The following ICA1 variants were observed in gnomAD, a reference collection of about 807,000 sequenced individuals.
The protein encoded by ICA1 is 69 kDa islet cell autoantigen.
Under a neutral mutation model 71.0 loss-of-function variants are expected in ICA1, and 40 were observed. That is an observed-to-expected ratio of 0.56 (90% CI 0.44 to 0.73). The LOEUF (loss-of-function observed/expected upper bound fraction) is 0.73, where lower values mean the gene tolerates loss of function less well. ICA1 is among the 30% of genes least tolerant of loss of function. The pLI is 0.00. For synonymous variants in ICA1, 207 were observed against 209.5 expected (o/e 0.99, Z 0.10); for missense variants, 578 against 576.5 (o/e 1.00, Z -0.03).
At chr7:8,164,736 G>C (rs7796677) in intron 6 of ICA1, among the ~76,000 whole-genome samples, 143,281 of 152,238 alleles carry the variant, frequency 0.94, 67,456 homozygotes, top group African/African-American at 0.95. Context: ...CCTTTAATAA[G>C]GTGCCACAGG....
chr7:8,247,314 G>C (rs946938228), intron 1 of ICA1, among the ~76,000 whole-genome samples: 2 of 152,002 alleles, frequency 1.3e-5, no homozygotes, highest in Non-Finnish European at 2.9e-5. Flanking sequence ...GAAGAAATTA[G>C]CTAGACACGG....
In ICA1 at chr7:8,148,112, A is replaced by G. The variant is rs568727500; in HGVS notation, c.805-4140T>C. On this transcript the variant is annotated intron_variant, in intron 8 of 13. Transcript: ENST00000402384. ...CTGCTGGGATAGGCTCCCACCATCC[A>G]CCACCCTGAACTGGAATAAGCAGTT... Among the ~76,000 whole-genome samples, 5 of 152,294 alleles carry G rather than the reference A, an allele frequency of 3.3e-5. No individual in the cohort carries two copies. The South Asian group carries it at 1.0e-3, about 32-fold the overall frequency.
At chr7:8,247,323 G>A (rs1806408894) in intron 1 of ICA1, among the ~76,000 whole-genome samples, 1 of 152,084 alleles carries the variant, frequency 6.6e-6, no homozygotes, top group African/African-American at 2.4e-5. Context: ...AGCTAGACAC[G>A]GTGGCACACG....
At chr7:8,196,472 C>G (rs1787619179) in intron 6 of ICA1, among the ~76,000 whole-genome samples, 1 of 152,170 alleles carries the variant, frequency 6.6e-6, no homozygotes, top group South Asian at 2.1e-4. Context: ...ATCTACAACA[C>G]AAAGAGTGAA....
chr7:8,197,302 C>T (rs1787970838), intron 6 of ICA1, among the ~76,000 whole-genome samples: 1 of 151,660 alleles, frequency 6.6e-6, no homozygotes. Context: ...CGCCTGTAAT[C>T]CCAGCACTTT....
intron 13 of ICA1, among the ~76,000 whole-genome samples, chr7:8,127,222 C>A (rs1287239516): frequency 2.6e-5 from 4 of 151,290 alleles, no homozygotes; most frequent in African/African-American, 9.7e-5. Context: ...AAACTCCTGA[C>A]CTCAAGTGAT....
At chr7:8,165,068 A>G (rs975508130) in intron 6 of ICA1, among the ~76,000 whole-genome samples, 4 of 152,104 alleles carry the variant, frequency 2.6e-5, no homozygotes, top group Non-Finnish European at 4.4e-5. Context: ...GGGTGACAGT[A>G]AGACCCTGTC....
At chr7:8,181,026 T>C (rs1256547728) in intron 6 of ICA1, among the ~76,000 whole-genome samples, 1 of 152,112 alleles carries the variant, frequency 6.6e-6, no homozygotes, top group Non-Finnish European at 1.5e-5. Context: ...GTGGTGCAGT[T>C]TGCATCCTGT....
intron 6 of ICA1, among the ~76,000 whole-genome samples, chr7:8,169,442 A>G (rs1467757444): frequency 5.9e-5 from 9 of 152,062 alleles, no homozygotes; most frequent in African/African-American, 2.2e-4. Flanking sequence ...TTGCCAAACC[A>G]TTTTCCAAAG....
At chr7:8,154,819 C>T (rs534231741) in intron 8 of ICA1, among the ~76,000 whole-genome samples, 1 of 152,300 alleles carries the variant, frequency 6.6e-6, no homozygotes, top group South Asian at 2.1e-4. Context: ...GTATTAATGG[C>T]TTTCACCATC....
At chr7:8,188,873 A>C (rs1784671524) in intron 6 of ICA1, among the ~76,000 whole-genome samples, 1 of 152,168 alleles carries the variant, frequency 6.6e-6, no homozygotes, top group Admixed American at 6.5e-5. Flanking sequence ...TCTATCTTTC[A>C]GTGACGCAAA....
chr7:8,245,875 C>T (rs192431661), intron 1 of ICA1, among the ~76,000 whole-genome samples: 382 of 152,276 alleles, frequency 2.5e-3, no homozygotes, highest in Non-Finnish European at 4.5e-3. Flanking sequence ...TATATAATTT[C>T]CAGAATCAGT....
intron 1 of ICA1, among the ~76,000 whole-genome samples, chr7:8,245,641 T>C (rs1353857753): frequency 6.6e-6 from 1 of 152,178 alleles, no homozygotes; most frequent in Non-Finnish European, 1.5e-5. Context: ...GTGAAATTAA[T>C]GTTTATATAT....
At chr7:8,213,041 G>A (rs375328750) in intron 6 of ICA1, among the ~76,000 whole-genome samples, 32 of 152,274 alleles carry the variant, frequency 2.1e-4, no homozygotes, top group African/African-American at 6.3e-4. Context: ...AGCAACCCAC[G>A]GGTGGGGTTT....
intron 13 of ICA1, among the ~76,000 whole-genome samples, chr7:8,120,247 C>T (rs1197480768): frequency 2.0e-5 from 3 of 152,206 alleles, no homozygotes; most frequent in Admixed American, 1.3e-4. Context: ...AATTATTAAG[C>T]ATCAGTCTAA....
At chr7:8,154,014 T>C (rs1443515492) in intron 8 of ICA1, among the ~76,000 whole-genome samples, 1 of 151,738 alleles carries the variant, frequency 6.6e-6, no homozygotes, top group East Asian at 1.9e-4. Flanking sequence ...ATATTAAATT[T>C]CAAAGCTAAA....
intron 7 of ICA1, 64 bp from the exon 8 acceptor site, chr7:8,157,278 G>A (rs1218971870): frequency 7.5e-5 from 107 of 1,430,502 alleles, no homozygotes; most frequent in Non-Finnish European, 1.0e-4. Context: ...TGGTCCCCAG[G>A]GAAGTATGAC....
intron 3 of ICA1, among the ~76,000 whole-genome samples, chr7:8,230,602 T>C (rs1799975674): frequency 6.6e-6 from 1 of 152,248 alleles, no homozygotes; most frequent in Non-Finnish European, 1.5e-5. Context: ...CAAAATATAA[T>C]GTTTAATATA....
At chr7:8,240,446 C>T (rs1456378026) in intron 1 of ICA1, among the ~76,000 whole-genome samples, 1 of 152,000 alleles carries the variant, frequency 6.6e-6, no homozygotes, top group African/African-American at 2.4e-5. Flanking sequence ...GTAGATAAAA[C>T]CAGAGCAGAA....
Sources: allele counts gnomAD v4.1 joint callset (sites outside exome capture counted in the v4.1 genomes callset), GRCh38; gene constraint gnomAD v4.1.1; transcripts MANE v1.5; gene names NCBI Gene and HGNC (gene_info 2026-07-23, HGNC 2026-07-21).